DCC: variants seen among roughly 807,000 people sequenced by gnomAD.
DCC encodes the protein netrin receptor DCC.
In DCC, 58 loss-of-function variants were observed where a neutral mutation model predicts 172.5. That is an observed-to-expected ratio of 0.34 (90% CI 0.27 to 0.42). The LOEUF (loss-of-function observed/expected upper bound fraction) is 0.42, where lower values mean the gene tolerates loss of function less well. DCC is among the 10% of genes least tolerant of loss of function. The pLI is 1.00. For synonymous variants in DCC, 709 were observed against 644.5 expected, an observed-to-expected ratio of 1.10 and a Z score of -1.52; for missense variants, 1,740 against 1,791.0, an observed-to-expected ratio of 0.97 and a Z score of 0.51.
At chr18:53,458,609 T>C (rs1568144864) in intron 23 of DCC, among the ~76,000 whole-genome samples, 1 of 152,230 alleles carries the variant, frequency 6.6e-6, no homozygotes, top group Non-Finnish European at 1.5e-5. Flanking sequence ...AAATACATTT[T>C]CAAACTGTGT....
At chr18:52,853,559 G>GA (rs2039008994) in intron 2 of DCC, among the ~76,000 whole-genome samples, 1 of 152,180 alleles carries the variant, frequency 6.6e-6, no homozygotes, top group Non-Finnish European at 1.5e-5. Flanking sequence ...TAGAGGTGAG[G>GA]TTGGGAGGTC....
chr18:53,190,790 C>G (rs2055355146), intron 9 of DCC, among the ~76,000 whole-genome samples: 1 of 152,028 alleles, frequency 6.6e-6, no homozygotes, highest in Non-Finnish European at 1.5e-5. Flanking sequence ...ACTAAAAATA[C>G]AAAAAACTAG....
At chr18:52,789,412 T>TA (rs1374222905) in intron 2 of DCC, among the ~76,000 whole-genome samples, 1 of 152,088 alleles carries the variant, frequency 6.6e-6, no homozygotes, top group Admixed American at 6.6e-5. Flanking sequence ...AGAAAAGGCT[T>TA]TTTCTAGGAA....
chr18:52,603,724 T>C (rs2034065429), intron 1 of DCC, among the ~76,000 whole-genome samples: 1 of 151,552 alleles, frequency 6.6e-6, no homozygotes, highest in Admixed American at 6.6e-5. Context: ...GGAATGACAC[T>C]GCAAACATTA....
chr18:52,585,576 G>A (rs2033650350), intron 1 of DCC, among the ~76,000 whole-genome samples: 1 of 152,204 alleles, frequency 6.6e-6, no homozygotes, highest in Non-Finnish European at 1.5e-5. Flanking sequence ...CCAAAGGTAA[G>A]CCCCTGATGT....
chr18:52,762,576 C>A (rs1312600785), intron 2 of DCC, among the ~76,000 whole-genome samples: 1 of 152,072 alleles, frequency 6.6e-6, no homozygotes, highest in Admixed American at 6.5e-5. Context: ...GTAATCCCAA[C>A]ACTTTGGGAG....
intron 3 of DCC, among the ~76,000 whole-genome samples, chr18:52,915,322 G>A (rs1388546869): frequency 2.0e-5 from 3 of 152,046 alleles, no homozygotes; most frequent in Admixed American, 6.6e-5. Flanking sequence ...GGAGTGTTTA[G>A]GGTCCCAGGT....
intron 15 of DCC, among the ~76,000 whole-genome samples, chr18:53,341,819 C>T (rs2057663364): frequency 6.6e-6 from 1 of 152,004 alleles, no homozygotes; most frequent in Admixed American, 6.6e-5. Context: ...AAATAAATCA[C>T]CAATTGTTTT....
intron 5 of DCC, among the ~76,000 whole-genome samples, chr18:52,944,512 C>A (rs1051190454): frequency 3.3e-5 from 5 of 152,080 alleles, no homozygotes; most frequent in African/African-American, 1.2e-4. Flanking sequence ...GTTTTACAAG[C>A]AAAAGCATAT....
At chr18:53,295,920 A>C (rs1479204718) in intron 12 of DCC, among the ~76,000 whole-genome samples, 1 of 152,084 alleles carries the variant, frequency 6.6e-6, no homozygotes, top group Non-Finnish European at 1.5e-5. Flanking sequence ...TATATATGGG[A>C]TTTTTTATTT....
At chr18:53,437,731 ACT>A (rs1313752026) in intron 22 of DCC, among the ~76,000 whole-genome samples, 5 of 152,014 alleles carry the variant, frequency 3.3e-5, no homozygotes, top group African/African-American at 4.8e-5. Context: ...TCATTAGCTC[ACT>A]CTCGTGCTCC....
chr18:53,513,230 G>GAAAT (rs1463664234), intron 27 of DCC, among the ~76,000 whole-genome samples: 1 of 152,154 alleles, frequency 6.6e-6, no homozygotes, highest in Non-Finnish European at 1.5e-5. Context: ...AAGTGAAGGA[G>GAAAT]AAATAAAATA....
intron 9 of DCC, among the ~76,000 whole-genome samples, chr18:53,199,892 A>C (rs1232683194): frequency 1.3e-5 from 2 of 152,198 alleles, no homozygotes; most frequent in African/African-American, 4.8e-5. Context: ...ATATGAGAAT[A>C]ATTTGAAAAT....
At position 52,821,768 on chromosome 18, in the gene DCC, G is replaced by A. The variant is rs151102257; in HGVS notation, c.412+69394G>A. ...TGTTGCCCTTCTCCATCACTAAAAC[G>A]TAAGAGCAAGTTCTGTTTTGTATAC... On this transcript the variant is annotated intron_variant, in intron 2 of 28. Coordinates refer to ENST00000442544, the MANE Select transcript of DCC (RefSeq NM_005215.4). 2.5e-3 allele frequency among the ~76,000 whole-genome samples: 376 copies of A among 152,276 alleles called. 2 individuals carry two copies. The highest frequency in any genetic ancestry group is 7.0e-3 in the African/African-American group (292 of 41,546).
At chr18:52,535,777 A>G (rs1266824615) in intron 1 of DCC, among the ~76,000 whole-genome samples, 1 of 152,200 alleles carries the variant, frequency 6.6e-6, no homozygotes, top group East Asian at 1.9e-4. Context: ...AAACTCATAC[A>G]TTCAACACCC....
At chr18:52,427,843 C>CCTTCCTTTCTTT (rs1555681281) in intron 1 of DCC, among the ~76,000 whole-genome samples, 3 of 49,234 alleles carry the variant, frequency 6.1e-5, no homozygotes, top group East Asian at 7.1e-4. Flanking sequence ...TTTCTTCCTT[C>CCTTCCTTTCTTT]CTTCCTTCCT....
intron 7 of DCC, among the ~76,000 whole-genome samples, chr18:53,148,865 CTT>C (rs5824990): frequency 2.9e-4 from 32 of 109,730 alleles, no homozygotes; most frequent in Non-Finnish European, 3.4e-4. Flanking sequence ...TTCCCAATGC[CTT>C]TTTTTTTTTT....
chr18:52,496,669 G>T (rs1021037149), intron 1 of DCC, among the ~76,000 whole-genome samples: 1 of 152,004 alleles, frequency 6.6e-6, no homozygotes, highest in Non-Finnish European at 1.5e-5. Flanking sequence ...AGACAGTGGA[G>T]GGAAGACATG....
chr18:52,705,393 A>G (rs968979650), intron 1 of DCC, among the ~76,000 whole-genome samples: 2 of 152,194 alleles, frequency 1.3e-5, no homozygotes, highest in African/African-American at 4.8e-5. Context: ...TCGGAAGTCT[A>G]TGTTTGAAAG....
Sources: gnomAD v4.1 joint callset for allele counts (sites outside exome capture counted in the v4.1 genomes callset) on GRCh38, gnomAD v4.1.1 for gene constraint, MANE v1.5 for transcripts, NCBI Gene and HGNC (gene_info 2026-07-23, HGNC 2026-07-21) for gene names.